INTS8: variants seen among roughly 807,000 people sequenced by gnomAD.
INTS8 encodes integrator complex subunit 8, also known as protein kaonashi-1.
INTS8 carries 47 observed loss-of-function variants against 138.9 expected under a neutral mutation model. The ratio of observed to expected loss-of-function variants is 0.34; its 90% CI spans 0.27 to 0.43. The LOEUF is 0.43. Among genes scored for constraint, INTS8 ranks in the 20% least tolerant of loss-of-function variants. The pLI is 1.00. For missense variants in INTS8, 996 were observed against 1,173.0 expected, an observed-to-expected ratio of 0.85 and a Z score of 2.20; for synonymous variants, 392 against 400.9, an observed-to-expected ratio of 0.98 and a Z score of 0.27.
chr8:94,831,972 T>A lies in INTS8; in HGVS notation c.571-20T>A. The A allele has an allele frequency of 1.3e-6, 2 of 1,558,216 alleles. No individual in the cohort carries two copies. Among genetic ancestry groups the A allele is most frequent in the Non-Finnish European group, 1.7e-6 (2 of 1,155,110 alleles). ...TCAGTTGCTATTTTTGTATTTTTATTTGTTTATTGATTTCTGTAGCTCAAA... is the reference window on the plus strand; with the variant it reads ...TCAGTTGCTATTTTTGTATTTTTATATGTTTATTGATTTCTGTAGCTCAAA... On this transcript the variant is annotated intron_variant, in intron 5 of 26. Transcript: ENST00000523731.
intron 12 of INTS8, among the ~76,000 whole-genome samples, chr8:94,850,927 A>C (rs1815520066): frequency 6.6e-6 from 1 of 152,180 alleles, no homozygotes; most frequent in Non-Finnish European, 1.5e-5. Context: ...TAGATGAGAG[A>C]GAATTCGATT....
intron 16 of INTS8, among the ~76,000 whole-genome samples, chr8:94,862,299 G>T (rs1816020477): frequency 6.6e-6 from 1 of 152,096 alleles, no homozygotes; most frequent in Non-Finnish European, 1.5e-5. Flanking sequence ...AATATATTGG[G>T]CACTTGTCTC....
At chr8:94,837,753 CTTT>C (rs1814979854) in intron 7 of INTS8, among the ~76,000 whole-genome samples, 5 of 152,202 alleles carry the variant, frequency 3.3e-5, no homozygotes, top group Admixed American at 3.3e-4. Context: ...TGATGTCCAC[CTTT>C]TGTATGTTGG....
intron 8 of INTS8, among the ~76,000 whole-genome samples, chr8:94,839,491 G>A (rs1815056782): frequency 1.3e-5 from 2 of 152,120 alleles, no homozygotes; most frequent in South Asian, 4.1e-4. Context: ...CAGCTTTATA[G>A]TTCTCTTACC....
chr8:94,836,547 A>G lies in INTS8; in HGVS notation c.777A>G (p.Ala259=). The part of the protein sequence containing the change: ...QCQVCYDLGA[A]YFQQGSTNSA... Reference sequence around the variant, plus strand: ...AGGTGTGCTATGATTTGGGCGCAGCATACTTCCAGCAAGGCTCCACAAATT... The same window carrying G: ...AGGTGTGCTATGATTTGGGCGCAGCGTACTTCCAGCAAGGCTCCACAAATT... The change falls in exon 7 of 27, where the codon GCA becomes GCG. Residue 259 remains alanine, a synonymous_variant. Coordinates refer to ENST00000523731, the MANE Select transcript of INTS8 (RefSeq NM_017864.4). 1 of 1,613,998 alleles carries G rather than the reference A, an allele frequency of 6.2e-7. No homozygotes were observed. Among genetic ancestry groups the G allele is most frequent in the Non-Finnish European group, 8.5e-7 (1 of 1,179,944 alleles).
intron 12 of INTS8, among the ~76,000 whole-genome samples, chr8:94,850,441 C>T (rs1434115385): frequency 1.3e-5 from 2 of 151,888 alleles, no homozygotes; most frequent in African/African-American, 2.4e-5. Context: ...TGAAACCCCG[C>T]CTCTACTAAA....
At position 94,876,276 on chromosome 8, in the gene INTS8, TACTTG is replaced by T; in HGVS notation, c.2824_2827+1del. 1 of 1,609,600 alleles carries T rather than the reference TACTTG, an allele frequency of 6.2e-7. No individual in the cohort carries two copies. Among genetic ancestry groups the T allele is most frequent in the Non-Finnish European group, 8.5e-7 (1 of 1,176,376 alleles). On this transcript the variant is annotated frameshift_variant, in exon 25 of 27. Coordinates refer to ENST00000523731, the MANE Select transcript of INTS8 (RefSeq NM_017864.4). LOFTEE classifies it high-confidence loss of function. ...CATATGGGATGTTACCATTTTGGAA[TACTTG>T]ACTTGTATCCTTTCATCCATGTGTG... is the stretch of plus-strand genomic sequence containing the variant.
Position 94,842,335 on chromosome 8 carries a change from T to G in INTS8, c.1119-12T>G. Reference sequence around the variant, plus strand: ...AAAATAACATTAGTTGATCTACTTTTGTATTCTACAGAAATGAAGCTCTAG... The same window carrying G: ...AAAATAACATTAGTTGATCTACTTTGGTATTCTACAGAAATGAAGCTCTAG... On this transcript the variant is annotated splice_polypyrimidine_tract_variant and intron_variant, in intron 9 of 26. Coordinates refer to ENST00000523731, the MANE Select transcript of INTS8 (RefSeq NM_017864.4). 1 of 1,543,212 alleles carries G rather than the reference T, an allele frequency of 6.5e-7. No individual in the cohort carries two copies. The highest frequency in any genetic ancestry group is 8.8e-7 in the Non-Finnish European group (1 of 1,132,164).
chr8:94,836,738 G>T, intron 7 of INTS8, 107 bp downstream of exon 7: 1 of 670,188 alleles, frequency 1.5e-6, no homozygotes. Flanking sequence ...TATTATAAAT[G>T]TGTGATGTTC....
intron 14 of INTS8, among the ~76,000 whole-genome samples, chr8:94,854,908 ATTTTTT>A (rs35252211): frequency 2.9e-5 from 4 of 135,760 alleles, no homozygotes; most frequent in African/African-American, 1.1e-4. Flanking sequence ...ATTTGAAAGA[ATTTTTT>A]TTTTTTTTTT....
At position 94,859,278 on chromosome 8, in the gene INTS8, C is replaced by T. The variant is rs185330949; in HGVS notation, c.1955-233C>T. Among the ~76,000 whole-genome samples the T allele has an allele frequency of 3.6e-3, 546 of 151,414 alleles. 6 individuals carry two copies. Among genetic ancestry groups the T allele is most frequent in the African/African-American group, 0.012 (497 of 41,366 alleles). On this transcript the variant is annotated intron_variant, in intron 15 of 26. Transcript: ENST00000523731. Reference sequence around the variant, plus strand: ...CCTGGGCGACAGAGTGAGACCCTGTCTCTACAAAATTTTATTTTTGAGACA... The same window carrying T: ...CCTGGGCGACAGAGTGAGACCCTGTTTCTACAAAATTTTATTTTTGAGACA...
At chr8:94,863,782 G>T (rs1409440397) in intron 16 of INTS8, among the ~76,000 whole-genome samples, 3 of 152,202 alleles carry the variant, frequency 2.0e-5, no homozygotes, top group Non-Finnish European at 4.4e-5. Context: ...TGAGCTAAGA[G>T]CTACAGTAGC....
chr8:94,864,351 T>C (rs1816099970), intron 16 of INTS8, among the ~76,000 whole-genome samples: 2 of 152,308 alleles, frequency 1.3e-5, no homozygotes, highest in Non-Finnish European at 2.9e-5. Flanking sequence ...TTATCCTTGC[T>C]ACTGCACCCT....
At chr8:94,853,758 G>A (rs1815639028) in intron 13 of INTS8, 47 bp from the exon 14 acceptor site, 1 of 984,800 alleles carries the variant, frequency 1.0e-6, no homozygotes, top group Non-Finnish European at 1.6e-6. Flanking sequence ...TCTAGATTTG[G>A]CTTCCTCTAT....
In INTS8 at chr8:94,871,785, C is replaced by A. The variant is rs552175678; in HGVS notation, c.2415-99C>A. The A allele has an allele frequency of 2.7e-3, 1,966 of 728,986 alleles. 6 individuals carry two copies. The highest frequency in any genetic ancestry group is 3.2e-3 in the Non-Finnish European group (1,305 of 409,786). The allele number at this position is 728,986 out of a possible 1,614,324, so 45.2% of individuals were successfully genotyped here. A position where few individuals can be genotyped will look rare whatever the true frequency, so the allele number is the denominator to read the frequency against. On this transcript the variant is annotated intron_variant, in intron 20 of 26. Coordinates refer to ENST00000523731, the MANE Select transcript of INTS8 (RefSeq NM_017864.4). The stretch of plus-strand genomic sequence containing the variant: ...GTATTTAGCATTATATTTATGTTCA[C>A]CTAAATCTTGGCTGAGTTTTTGTTT...
intron 10 of INTS8, among the ~76,000 whole-genome samples, chr8:94,843,726 A>G (rs945904020): frequency 3.7e-5 from 4 of 108,242 alleles, no homozygotes; most frequent in Non-Finnish European, 6.7e-5. Flanking sequence ...ATACTTGTAC[A>G]TATATCTAGG....
At chr8:94,852,837 A>T (rs1009911078) in intron 13 of INTS8, among the ~76,000 whole-genome samples, 22 of 151,802 alleles carry the variant, frequency 1.4e-4, no homozygotes, top group African/African-American at 5.3e-4. Flanking sequence ...TGACCTCCTG[A>T]CCTCAGGTGA....
Position 94,824,784 on chromosome 8 carries a change from TCCCCCCCCCCCCA to T in INTS8, c.131-105_131-93del. 3.3e-5 allele frequency: 2 copies of T among 60,920 alleles called. 1 individual carries two copies. The highest frequency in any genetic ancestry group is 1.2e-3 in the East Asian group (2 of 1,628). The allele number at this position is 60,920 out of a possible 1,614,324, so 3.8% of individuals were successfully genotyped here. On this transcript the variant is annotated intron_variant, in intron 1 of 26. Transcript: ENST00000523731. ...TTTGTGGCAAAAAAAAAACCCAAACTCCCCCCCCCCCCACCCACCCCCCCAAAAAAACCAAACC... is the reference window on the plus strand; with the variant it reads ...TTTGTGGCAAAAAAAAAACCCAAACTCCCACCCCCCCAAAAAAACCAAACC...
chr8:94,826,285 ATT>A (rs1311945370), intron 2 of INTS8, among the ~76,000 whole-genome samples: 1 of 146,736 alleles, frequency 6.8e-6, no homozygotes, highest in African/African-American at 2.5e-5. Context: ...TTTAAAGTGA[ATT>A]TTTTTTTTTT....
Sources: gnomAD v4.1 joint callset for allele counts (sites outside exome capture counted in the v4.1 genomes callset) on GRCh38, gnomAD v4.1.1 for gene constraint, MANE v1.5 for transcripts, NCBI Gene and HGNC (gene_info 2026-07-23, HGNC 2026-07-21) for gene names.